Variants in CBLN2 observed in about 807,000 individuals in gnomAD.
CBLN2 encodes cerebellin-2.
Under a neutral mutation model 15.0 loss-of-function variants are expected in CBLN2, and 7 were observed. That is an observed-to-expected ratio of 0.47 (90% CI 0.27 to 0.88). The LOEUF is 0.88. CBLN2 is among the 40% of genes least tolerant of loss of function. CBLN2 has a pLI of 0.14. For synonymous variants in CBLN2, 149 were observed against 135.2 expected, an observed-to-expected ratio of 1.10 and a Z score of -0.71; for missense variants, 242 against 304.5, an observed-to-expected ratio of 0.79 and a Z score of 1.53.
intron 1 of CBLN2, among the ~76,000 whole-genome samples, chr18:72,560,649 A>G (rs2069254151): frequency 6.6e-6 from 1 of 152,196 alleles, no homozygotes; most frequent in Non-Finnish European, 1.5e-5. Flanking sequence ...TTATAGAAAA[A>G]GTTCGCTGAT....
chr18:72,636,575 T>A (rs966552170), intron 1 of CBLN2, among the ~76,000 whole-genome samples: 70 of 152,174 alleles, frequency 4.6e-4, no homozygotes, highest in African/African-American at 1.6e-3. Flanking sequence ...GCAATGACCC[T>A]CCCCTAGAAG....
At chr18:72,578,108 G>A (rs944429611) in intron 1 of CBLN2, among the ~76,000 whole-genome samples, 1 of 152,092 alleles carries the variant, frequency 6.6e-6, no homozygotes, top group Non-Finnish European at 1.5e-5. Context: ...TTCTAAAACA[G>A]GGATTTTACT....
At chr18:72,610,870 T>C (rs561182174) in intron 1 of CBLN2, among the ~76,000 whole-genome samples, 3 of 152,252 alleles carry the variant, frequency 2.0e-5, no homozygotes, top group African/African-American at 7.2e-5. Context: ...TAATACCCAA[T>C]AGTTAGTATT....
chr18:72,637,919 C>A (rs894114039), intron 1 of CBLN2, among the ~76,000 whole-genome samples: 1 of 152,162 alleles, frequency 6.6e-6, no homozygotes, highest in African/African-American at 2.4e-5. Flanking sequence ...GACAGCGGAG[C>A]TCTGATGAGG....
intron 1 of CBLN2, among the ~76,000 whole-genome samples, chr18:72,599,251 T>G (rs1255231855): frequency 6.6e-6 from 1 of 152,200 alleles, no homozygotes; most frequent in Non-Finnish European, 1.5e-5. Flanking sequence ...AGTACATTCT[T>G]TACAAATTTA....
At chr18:72,568,900 T>A (rs902175681) in intron 1 of CBLN2, among the ~76,000 whole-genome samples, 4 of 152,350 alleles carry the variant, frequency 2.6e-5, no homozygotes, top group Admixed American at 2.6e-4. Context: ...CTAACAGTTA[T>A]GTCAGGAAGA....
In CBLN2 at chr18:72,633,366, C is replaced by T. The variant is rs144306409; in HGVS notation, c.15+4959G>A. Among the ~76,000 whole-genome samples the T allele has an allele frequency of 2.6e-3, 394 of 152,264 alleles. 1 individual carries two copies. Among genetic ancestry groups the T allele is most frequent in the African/African-American group, 8.9e-3 (369 of 41,552 alleles). ...TATGACTATTCCTAGGACCAGAGCC[C>T]TGTGTTACTCACCACTTTCCCAAGA... On this transcript the variant is annotated intron_variant, in intron 1 of 2. Transcript: ENST00000581073.
At chr18:72,571,005 ATTTG>A (rs1432197054) in intron 1 of CBLN2, among the ~76,000 whole-genome samples, 1 of 152,064 alleles carries the variant, frequency 6.6e-6, no homozygotes, top group Non-Finnish European at 1.5e-5. Flanking sequence ...TATATATTAT[ATTTG>A]TTTGGATGTT....
At chr18:72,567,186 G>A (rs1225197581) in intron 1 of CBLN2, among the ~76,000 whole-genome samples, 1 of 152,162 alleles carries the variant, frequency 6.6e-6, no homozygotes, top group East Asian at 1.9e-4. Flanking sequence ...ATCGCACAGT[G>A]TGTGCATGCA....
At chr18:72,633,951 G>C (rs1234904678) in intron 1 of CBLN2, among the ~76,000 whole-genome samples, 1 of 152,002 alleles carries the variant, frequency 6.6e-6, no homozygotes, top group Non-Finnish European at 1.5e-5. Flanking sequence ...AACTCTTAAA[G>C]AGCAATCACA....
chr18:72,595,272 A>AT (rs1046227625), intron 1 of CBLN2, among the ~76,000 whole-genome samples: 1 of 151,404 alleles, frequency 6.6e-6, no homozygotes, highest in Admixed American at 6.6e-5. Flanking sequence ...TTCTGTCTTA[A>AT]TTTTTTTATT....
rs1296960495 is a variant in CBLN2 at position 72,625,808 on chromosome 18, C to A, written c.15+12517G>T. Among the ~76,000 whole-genome samples, 257 of 64,524 alleles carry A rather than the reference C, an allele frequency of 4.0e-3. 1 individual carries two copies. The highest frequency in any genetic ancestry group is 0.016 in the East Asian group (21 of 1,312). The allele number at this position is 64,524 out of a possible 152,430, so 42.3% of individuals were successfully genotyped here. A position where few individuals can be genotyped will look rare whatever the true frequency, so the allele number is the denominator to read the frequency against. On this transcript the variant is annotated intron_variant, in intron 1 of 2. Transcript: ENST00000581073. Reference sequence around the variant, plus strand: ...TATGACTCTCTCTCTCTCTCTCTCTCTCTCTCTCTCTATATATATATATAT... The same window carrying A: ...TATGACTCTCTCTCTCTCTCTCTCTATCTCTCTCTCTATATATATATATAT...
intron 1 of CBLN2, among the ~76,000 whole-genome samples, chr18:72,614,466 AT>A (rs1283249009): frequency 6.6e-6 from 1 of 152,072 alleles, no homozygotes; most frequent in Non-Finnish European, 1.5e-5. Context: ...AATTTTTCAA[AT>A]TTTTTGGTGT....
intron 1 of CBLN2, among the ~76,000 whole-genome samples, chr18:72,581,758 T>C (rs1432079): frequency 0.53 from 81,259 of 152,136 alleles, 26,302 homozygotes; most frequent in Non-Finnish European, 0.73. Flanking sequence ...TTTTTCTCTA[T>C]GATGAGTGTG....
chr18:72,616,008 T>C (rs971447451), intron 1 of CBLN2, among the ~76,000 whole-genome samples: 3 of 152,240 alleles, frequency 2.0e-5, no homozygotes, highest in African/African-American at 7.2e-5. Flanking sequence ...AAAAAAGCTT[T>C]CAGAAGTTTC....
rs749768614 is a variant in CBLN2 at position 72,543,772 on chromosome 18, T to C, written c.-212+205A>G. ...TGTGCGCCCAGGTGCCTCCAACCCC[T>C]GGGCTTCGCGCCCGCACCGCTGCCT... On this transcript the variant is annotated intron_variant, in intron 1 of 4. Transcript: ENST00000269503. The surrounding 1 kb of genome is among the most constrained non-coding windows in gnomAD (Gnocchi z 6.8). Among the ~76,000 whole-genome samples the C allele has an allele frequency of 5.9e-5, 9 of 151,764 alleles. No homozygotes were observed. Among genetic ancestry groups the C allele is most frequent in the Non-Finnish European group, 1.2e-4 (8 of 67,908 alleles).
chr18:72,584,910 C>T (rs2069432180), intron 1 of CBLN2, among the ~76,000 whole-genome samples: 1 of 152,164 alleles, frequency 6.6e-6, no homozygotes, highest in Admixed American at 6.5e-5. Flanking sequence ...TGATACTACT[C>T]CCACACCTGC....
chr18:72,571,743 G>A (rs1407028418), intron 1 of CBLN2, among the ~76,000 whole-genome samples: 3 of 152,202 alleles, frequency 2.0e-5, no homozygotes. Flanking sequence ...TGAGCTGAAT[G>A]TTGGCCATAT....
At chr18:72,590,125 C>A (rs944807438) in intron 1 of CBLN2, among the ~76,000 whole-genome samples, 4 of 152,176 alleles carry the variant, frequency 2.6e-5, no homozygotes, top group African/African-American at 9.6e-5. Flanking sequence ...ATTAGCCGGG[C>A]ATGGTGGCGG....
Sources: allele counts gnomAD v4.1 joint callset (sites outside exome capture counted in the v4.1 genomes callset), GRCh38; gene constraint gnomAD v4.1.1; non-coding constraint Gnocchi (gnomAD v3.1); transcripts MANE v1.5; gene names NCBI Gene and HGNC (gene_info 2026-07-23, HGNC 2026-07-21).